The following GRID1 variants were observed in gnomAD, a reference collection of about 807,000 sequenced individuals.
GRID1 encodes glutamate ionotropic receptor delta type subunit 1.
A neutral mutation model predicts 98.0 loss-of-function variants in GRID1; 28 were observed. That is an observed-to-expected ratio of 0.29 (90% CI 0.21 to 0.39). The LOEUF is 0.39. Ranked by LOEUF, GRID1 falls within the 10% of genes least tolerant of loss-of-function variation. The pLI is 1.00. For missense variants in GRID1, 1,111 were observed against 1,340.5 expected (o/e 0.83, Z 2.67); for synonymous variants, 553 against 538.5 (o/e 1.03, Z -0.37).
At chr10:85,608,099 C>T (rs758611112) in intron 15 of GRID1, among the ~76,000 whole-genome samples, 1 of 151,922 alleles carries the variant, frequency 6.6e-6, no homozygotes, top group African/African-American at 2.4e-5. Context: ...TATAGGCATG[C>T]GCCACTACAC....
intron 2 of GRID1, among the ~76,000 whole-genome samples, chr10:86,214,404 A>G (rs1337613053): frequency 6.6e-6 from 1 of 152,058 alleles, no homozygotes; most frequent in African/African-American, 2.4e-5. Flanking sequence ...CCCTCTAGAG[A>G]ACCTTCCACA....
At chr10:86,230,359 G>A (rs1372443689) in intron 2 of GRID1, among the ~76,000 whole-genome samples, 1 of 152,204 alleles carries the variant, frequency 6.6e-6, no homozygotes, top group African/African-American at 2.4e-5. Context: ...GAGGAAATGA[G>A]TCTCCAGTGG....
At chr10:85,804,050 A>G (rs1842600343) in intron 8 of GRID1, among the ~76,000 whole-genome samples, 1 of 151,814 alleles carries the variant, frequency 6.6e-6, no homozygotes, top group Non-Finnish European at 1.5e-5. Flanking sequence ...AGGGGATATC[A>G]ATGAAATTGA....
intron 8 of GRID1, among the ~76,000 whole-genome samples, chr10:85,778,354 G>C (rs922008693): frequency 2.0e-5 from 3 of 152,128 alleles, no homozygotes; most frequent in Admixed American, 6.5e-5. Flanking sequence ...GCCAGAGCAG[G>C]GGTTGAGAGG....
chr10:86,150,730 T>A (rs551427253), intron 3 of GRID1, among the ~76,000 whole-genome samples: 3 of 152,222 alleles, frequency 2.0e-5, no homozygotes, highest in South Asian at 4.2e-4. Flanking sequence ...TGGGAGGTAA[T>A]TAGGGTTATA....
intron 8 of GRID1, among the ~76,000 whole-genome samples, chr10:85,848,785 C>T (rs1203319378): frequency 6.6e-6 from 1 of 152,178 alleles, no homozygotes; most frequent in African/African-American, 2.4e-5. Context: ...TTTCCTTATT[C>T]CTTTACTGGG....
chr10:86,253,864 C>G (rs1490636426), intron 2 of GRID1, among the ~76,000 whole-genome samples: 1 of 152,188 alleles, frequency 6.6e-6, no homozygotes, highest in African/African-American at 2.4e-5. Flanking sequence ...GACACCGACC[C>G]TCACATCTAT....
At chr10:86,303,345 A>T (rs77319749) in intron 2 of GRID1, among the ~76,000 whole-genome samples, 3,482 of 152,352 alleles carry the variant, frequency 0.023, 45 homozygotes, top group Middle Eastern at 0.051. Context: ...TTTTAAAAAA[A>T]TTAGAAATAT....
At chr10:86,260,476 G>A (rs1846999158) in intron 2 of GRID1, among the ~76,000 whole-genome samples, 2 of 152,148 alleles carry the variant, frequency 1.3e-5, no homozygotes, top group South Asian at 2.1e-4. Context: ...CTTCCTGGTT[G>A]GAGCTTCATC....
chr10:86,006,894 A>G (rs2131878592), intron 4 of GRID1, among the ~76,000 whole-genome samples: 1 of 152,084 alleles, frequency 6.6e-6, no homozygotes, highest in East Asian at 1.9e-4. Flanking sequence ...AGGCAGGGGA[A>G]GCTGGCGGTG....
chr10:85,955,668 T>C (rs1199702117), intron 4 of GRID1, among the ~76,000 whole-genome samples: 5 of 152,190 alleles, frequency 3.3e-5, no homozygotes, highest in Non-Finnish European at 7.3e-5. Context: ...AAAGGTCTCT[T>C]TCGACAGAGC....
At chr10:85,825,186 C>G (rs748254210) in intron 8 of GRID1, among the ~76,000 whole-genome samples, 1 of 152,212 alleles carries the variant, frequency 6.6e-6, no homozygotes, top group Non-Finnish European at 1.5e-5. Context: ...TTCACCACAT[C>G]CATGCCAACA....
At position 85,869,096 on chromosome 10, in the gene GRID1, T is replaced by C; in HGVS notation, c.865A>G (p.Lys289Glu). Residue 289 changes from lysine (K) to glutamate (E), a missense_variant, in exon 6 of 16, where the codon AAG becomes GAG. Transcript: ENST00000327946. ...TTCCTCGTGCATTTCTGATTGTCCTTTGCAGACGGAAAGATTTGCCGGACC... is the reference window on the plus strand; with the variant it reads ...TTCCTCGTGCATTTCTGATTGTCCTCTGCAGACGGAAAGATTTGCCGGACC... Reference protein sequence around the residue: ...TVVRQIFPSAKDNQKCTRNNH... With the variant: ...TVVRQIFPSAEDNQKCTRNNH... 6.2e-7 allele frequency: 1 copy of C among 1,613,960 alleles called. No individual in the cohort carries two copies.
intron 2 of GRID1, among the ~76,000 whole-genome samples, chr10:86,255,124 G>T (rs556614416): frequency 6.6e-6 from 1 of 152,284 alleles, no homozygotes; most frequent in African/African-American, 2.4e-5. Context: ...CCACACCCTT[G>T]TCCCCCACTC....
At chr10:86,141,145 TC>T (rs1332790149) in intron 3 of GRID1, among the ~76,000 whole-genome samples, 1 of 151,374 alleles carries the variant, frequency 6.6e-6, no homozygotes, top group Non-Finnish European at 1.5e-5. Context: ...AGCACAGGGC[TC>T]CCCCAAAGTG....
chr10:85,997,329 G>C (rs1435594291), intron 4 of GRID1, among the ~76,000 whole-genome samples: 1 of 151,984 alleles, frequency 6.6e-6, no homozygotes, highest in East Asian at 1.9e-4. Flanking sequence ...AACCTGGGAG[G>C]TGGAGGTTGC....
chr10:86,308,749 G>T (rs1040584998), intron 2 of GRID1, among the ~76,000 whole-genome samples: 12 of 152,142 alleles, frequency 7.9e-5, no homozygotes, highest in Non-Finnish European at 1.5e-5. Flanking sequence ...ATCTGCTGAG[G>T]GCTTTCTTGC....
At chr10:86,293,747 G>C (rs1847548866) in intron 2 of GRID1, among the ~76,000 whole-genome samples, 1 of 151,708 alleles carries the variant, frequency 6.6e-6, no homozygotes, top group Non-Finnish European at 1.5e-5. Context: ...CTGCAGCTGG[G>C]GTGGAATGCA....
chr10:86,005,821 T>C (rs1251856564), intron 4 of GRID1, among the ~76,000 whole-genome samples: 3 of 152,208 alleles, frequency 2.0e-5, no homozygotes, highest in Non-Finnish European at 2.9e-5. Context: ...AAGAGAACTA[T>C]TGAAACACAG....
Sources: allele counts gnomAD v4.1 joint callset (sites outside exome capture counted in the v4.1 genomes callset), GRCh38; gene constraint gnomAD v4.1.1; transcripts MANE v1.5; gene names NCBI Gene and HGNC (gene_info 2026-07-23, HGNC 2026-07-21).